The following IRGM variants were observed in gnomAD, a reference collection of about 807,000 sequenced individuals.
IRGM encodes immunity related GTPase M.
For missense variants in IRGM, 288 were observed against 219.9 expected, an observed-to-expected ratio of 1.31 and a Z score of -1.96; for synonymous variants, 98 against 80.6, an observed-to-expected ratio of 1.22 and a Z score of -1.16.
At chr5:150,849,663 G>A (rs552664217), downstream of IRGM, among the ~76,000 whole-genome samples, 17 of 140,718 alleles carry the variant, frequency 1.2e-4, no homozygotes, top group South Asian at 3.5e-3. Context: ...CTGGAGTACA[G>A]TGGTGCAACC....
intron 3 of IRGM, chr5:150,896,048 A>G (rs894553548): frequency 4.3e-6 from 7 of 1,613,394 alleles, no homozygotes; most frequent in African/African-American, 1.3e-5. Context: ...TGTGGTGTAT[A>G]ATCAGCTGTG....
At chr5:150,896,196 G>T (rs1324787707) in intron 3 of IRGM, 1 of 1,613,602 alleles carries the variant, frequency 6.2e-7, no homozygotes, top group South Asian at 1.1e-5. Flanking sequence ...TTTTTCCCCA[G>T]TGTGAACTCT....
intron 1 of IRGM, among the ~76,000 whole-genome samples, chr5:150,866,018 A>G (rs1581644744): frequency 6.6e-6 from 1 of 152,150 alleles, no homozygotes; most frequent in East Asian, 1.9e-4. Context: ...TGGCCTCCCA[A>G]AGTGCTAGGA....
At chr5:150,895,677 T>A in intron 3 of IRGM, 1 of 1,613,500 alleles carries the variant, frequency 6.2e-7, no homozygotes, top group Non-Finnish European at 8.5e-7. Context: ...AGTACATATA[T>A]AAGGTTTTTC....
In IRGM at chr5:150,858,325, G is replaced by A. The variant is rs1001375326; in HGVS notation, c.158+9671G>A. 2.0e-5 allele frequency among the ~76,000 whole-genome samples: 3 copies of A among 152,250 alleles called. No individual in the cohort carries two copies. In the East Asian group the frequency reaches 5.8e-4, roughly 29 times the overall value. On this transcript the variant is annotated intron_variant and NMD_transcript_variant, in intron 1 of 3. Transcript: ENST00000520549. ...CCAGTACCATGCTGTTTTGGTTACT[G>A]TAGCCTTGTAGTATAGTTTGAAGTC...
At chr5:150,898,140 C>T in intron 3 of IRGM, 1 of 1,613,538 alleles carries the variant, frequency 6.2e-7, no homozygotes, top group South Asian at 1.1e-5. Flanking sequence ...GGCTCTTCTC[C>T]TTGTTCCAAC....
chr5:150,895,386 G>T, intron 3 of IRGM: 1 of 1,446,904 alleles, frequency 6.9e-7, no homozygotes. Flanking sequence ...AATTATTAAG[G>T]CTTGAGCTAA....
At chr5:150,862,481 C>T (rs544895538) in intron 1 of IRGM, among the ~76,000 whole-genome samples, 1 of 152,274 alleles carries the variant, frequency 6.6e-6, no homozygotes, top group Non-Finnish European at 1.5e-5. Flanking sequence ...CTGTTTACAT[C>T]ATACATTTCA....
chr5:150,899,056 A>G (rs973997306), intron 3 of IRGM, among the ~76,000 whole-genome samples: 1 of 152,088 alleles, frequency 6.6e-6, no homozygotes, highest in Non-Finnish European at 1.5e-5. Flanking sequence ...ACACAAAGAC[A>G]TGCATAGAGG....
intron 1 of IRGM, among the ~76,000 whole-genome samples, chr5:150,864,904 T>C (rs1754185235): frequency 6.6e-6 from 1 of 152,228 alleles, no homozygotes. Flanking sequence ...TGATTATTGC[T>C]CTTGACGATG....
chr5:150,867,092 T>C (rs2113272493), intron 1 of IRGM, among the ~76,000 whole-genome samples: 1 of 152,288 alleles, frequency 6.6e-6, no homozygotes, highest in South Asian at 2.1e-4. Context: ...TTAGTGGTGA[T>C]TTCTGAAATT....
intron 1 of IRGM, among the ~76,000 whole-genome samples, chr5:150,870,908 C>T (rs1026334147): frequency 2.0e-5 from 3 of 151,532 alleles, no homozygotes; most frequent in Non-Finnish European, 2.9e-5. Context: ...CAACTCTATC[C>T]GTCTTGATCG....
chr5:150,891,119 T>C (rs1458652913), intron 3 of IRGM, among the ~76,000 whole-genome samples: 1 of 152,114 alleles, frequency 6.6e-6, no homozygotes, highest in Non-Finnish European at 1.5e-5. Flanking sequence ...AGCTCTGCTA[T>C]TAAGTGCATA....
At position 150,846,817 on chromosome 5, in the gene IRGM, C is replaced by T. The variant is rs1227457471; in HGVS notation, c.-819C>T. On this transcript the variant is annotated 5_prime_UTR_variant, in exon 1 of 2. Coordinates refer to ENST00000522154, the MANE Select transcript of IRGM (RefSeq NM_001145805.2). ...CGGAAGGAAGAAACTCTGAACACATCCAAACATCAGAAGGAACAAACTCCG... is the reference window on the plus strand; with the variant it reads ...CGGAAGGAAGAAACTCTGAACACATTCAAACATCAGAAGGAACAAACTCCG... The T allele has an allele frequency of 6.5e-6, 1 of 153,758 alleles. No homozygotes were observed. Among genetic ancestry groups the T allele is most frequent in the Non-Finnish European group, 1.4e-5 (1 of 69,402 alleles). The allele number at this position is 153,758 out of a possible 1,614,324, so 9.5% of individuals were successfully genotyped here.
chr5:150,888,921 C>A (rs1033003362), intron 3 of IRGM, among the ~76,000 whole-genome samples: 7 of 151,958 alleles, frequency 4.6e-5, no homozygotes, highest in Non-Finnish European at 8.8e-5. Context: ...TAAACTAGAT[C>A]TATTTCTCTA....
chr5:150,848,783 G>A (rs1753929206), downstream of IRGM: 2 of 735,496 alleles, frequency 2.7e-6, no homozygotes, highest in Non-Finnish European at 4.4e-6. Context: ...AATTTTCGGG[G>A]GCATGTAGAG....
chr5:150,846,643 G>A lies in IRGM; in HGVS notation c.-993G>A, dbSNP rs562350167. 2 of 140,186 alleles carry A rather than the reference G, an allele frequency of 1.4e-5. No homozygotes were observed. Among genetic ancestry groups the A allele is most frequent in the Admixed American group, 1.4e-4 (2 of 14,476 alleles). The allele number at this position is 140,186 out of a possible 1,614,324, so 8.7% of individuals were successfully genotyped here. A position where few individuals can be genotyped will look rare whatever the true frequency, so the allele number is the denominator to read the frequency against. On this transcript the variant is annotated 5_prime_UTR_variant, in exon 1 of 2. Coordinates refer to ENST00000522154, the MANE Select transcript of IRGM (RefSeq NM_001145805.2). ...CTTTATGAGCTGTAACACTCACCGT[G>A]AAGGTCTGCAGCATCACTCCTGAAA...
chr5:150,882,973 C>T (rs1754467380), intron 3 of IRGM, among the ~76,000 whole-genome samples: 1 of 151,992 alleles, frequency 6.6e-6, no homozygotes, highest in South Asian at 2.1e-4. Flanking sequence ...GTTCACAAAA[C>T]AAGAAATAAC....
intron 3 of IRGM, chr5:150,898,522 A>G (rs1754880050): frequency 6.2e-7 from 1 of 1,612,678 alleles, no homozygotes; most frequent in Non-Finnish European, 8.5e-7. Flanking sequence ...CCTGGGTGAA[A>G]TCCACAGCCA....
Sources: allele counts gnomAD v4.1 joint callset (sites outside exome capture counted in the v4.1 genomes callset), GRCh38; gene constraint gnomAD v4.1.1; transcripts MANE v1.5; gene names NCBI Gene and HGNC (gene_info 2026-07-23, HGNC 2026-07-21).